The following STK31 variants were observed in gnomAD, a reference collection of about 807,000 sequenced individuals.
The protein encoded by STK31 is serine/threonine-protein kinase 31.
A neutral mutation model predicts 129.7 loss-of-function variants in STK31; 89 were observed. The ratio of observed to expected loss-of-function variants is 0.69; its 90% CI spans 0.58 to 0.82. The LOEUF (loss-of-function observed/expected upper bound fraction) is 0.82. Ranked by LOEUF, STK31 falls within the 40% of genes least tolerant of loss-of-function variation. The pLI is 0.00. For synonymous variants in STK31, 448 were observed against 395.3 expected, an observed-to-expected ratio of 1.13 and a Z score of -1.58; for missense variants, 1,187 against 1,176.4, an observed-to-expected ratio of 1.01 and a Z score of -0.13.
At chr7:23,720,177 A>G (rs1352920473) in intron 4 of STK31, among the ~76,000 whole-genome samples, 1 of 152,196 alleles carries the variant, frequency 6.6e-6, no homozygotes, top group African/African-American at 2.4e-5. Flanking sequence ...AAGAAACACG[A>G]AAAATATGGG....
intron 22 of STK31, among the ~76,000 whole-genome samples, chr7:23,793,610 A>G (rs188821382): frequency 2.0e-5 from 3 of 152,370 alleles, no homozygotes; most frequent in Admixed American, 6.5e-5. Context: ...AGGTGTCCAC[A>G]TGGCATGTAA....
chr7:23,773,730 TGTGA>T (rs1360266386), intron 15 of STK31, among the ~76,000 whole-genome samples: 1 of 95,978 alleles, frequency 1.0e-5, no homozygotes, highest in Non-Finnish European at 2.2e-5. Flanking sequence ...TGTGTGTGTG[TGTGA>T]GTGTGTGTGT....
At chr7:23,786,738 C>T (rs1336224132) in intron 19 of STK31, 100 bp from the exon 20 acceptor site, 1 of 1,541,924 alleles carries the variant, frequency 6.5e-7, no homozygotes, top group Admixed American at 2.0e-5. Context: ...AGTTCATTCC[C>T]CTTAACATAA....
chr7:23,810,718 TATATATAAAATAGATA>T (rs1293757881), intron 22 of STK31, among the ~76,000 whole-genome samples: 14 of 121,210 alleles, frequency 1.2e-4, no homozygotes, highest in African/African-American at 4.7e-4. Flanking sequence ...ATAAAATAGA[TATATATAAAATAGATA>T]TATATAAAAT....
chr7:23,729,532 A>G (rs528868554), intron 6 of STK31, among the ~76,000 whole-genome samples: 11 of 122,388 alleles, frequency 9.0e-5, no homozygotes, highest in African/African-American at 8.1e-5. Context: ...TTTTTTTGAG[A>G]CAGAGTCTGA....
intron 7 of STK31, among the ~76,000 whole-genome samples, chr7:23,736,200 A>C (rs1562559534): frequency 6.6e-6 from 1 of 152,242 alleles, no homozygotes; most frequent in Non-Finnish European, 1.5e-5. Flanking sequence ...TGAATTATTC[A>C]GGCAAAGTCA....
chr7:23,798,272 C>T (rs113156653), intron 22 of STK31, among the ~76,000 whole-genome samples: 3,752 of 152,214 alleles, frequency 0.025, 87 homozygotes, highest in African/African-American at 0.061. Flanking sequence ...CATCCTGGTA[C>T]CAAAACGTGC....
chr7:23,764,703 AATAG>A (rs2128100433), intron 11 of STK31, among the ~76,000 whole-genome samples: 1 of 152,250 alleles, frequency 6.6e-6, no homozygotes, highest in South Asian at 2.1e-4. Flanking sequence ...ATATATCTGA[AATAG>A]ATAGGTTTGT....
chr7:23,747,098 A>G (rs553183026), intron 8 of STK31, among the ~76,000 whole-genome samples: 1 of 151,994 alleles, frequency 6.6e-6, no homozygotes, highest in Admixed American at 6.6e-5. Flanking sequence ...GGGTTTTTAC[A>G]TATATGTTCG....
chr7:23,723,886 T>C (rs1013146857), intron 4 of STK31, among the ~76,000 whole-genome samples: 1 of 152,220 alleles, frequency 6.6e-6, no homozygotes, highest in African/African-American at 2.4e-5. Context: ...CGCCACACTC[T>C]GAGACGAATT....
intron 1 of STK31, 124 bp downstream of exon 1, chr7:23,710,459 A>G (rs1692960979): frequency 3.8e-6 from 6 of 1,560,538 alleles, no homozygotes; most frequent in African/African-American, 1.3e-5. Context: ...GTCACCTTCT[A>G]GCCGCCCGCC....
intron 10 of STK31, among the ~76,000 whole-genome samples, chr7:23,759,762 A>G (rs1789341645): frequency 6.6e-6 from 1 of 152,216 alleles, no homozygotes; most frequent in African/African-American, 2.4e-5. Context: ...TATGATTGTC[A>G]AACTGCATCT....
intron 4 of STK31, chr7:23,721,200 A>G (rs1562546655): frequency 1.2e-5 from 4 of 330,690 alleles, no homozygotes; most frequent in Admixed American, 9.3e-5. Context: ...TTTTTCCACT[A>G]TAATTCGCTC....
chr7:23,750,369 C>T (rs10279703), intron 8 of STK31, among the ~76,000 whole-genome samples: 15,638 of 152,038 alleles, frequency 0.1, 1,125 homozygotes, highest in African/African-American at 0.2. Flanking sequence ...TAGCAGTTTT[C>T]CCAGTGACCC....
chr7:23,748,477 A>C (rs1024641565), intron 8 of STK31, among the ~76,000 whole-genome samples: 1 of 152,194 alleles, frequency 6.6e-6, no homozygotes, highest in Non-Finnish European at 1.5e-5. Context: ...ACATGGGTCC[A>C]CTTATATGTG....
chr7:23,819,626 G>T (rs1288442633), intron 23 of STK31, among the ~76,000 whole-genome samples: 1 of 152,140 alleles, frequency 6.6e-6, no homozygotes, highest in Non-Finnish European at 1.5e-5. Context: ...TGTTGGCCAG[G>T]CTGATCTTAA....
At chr7:23,801,003 A>C (rs1792334119) in intron 22 of STK31, among the ~76,000 whole-genome samples, 2 of 152,324 alleles carry the variant, frequency 1.3e-5, no homozygotes, top group South Asian at 4.1e-4. Flanking sequence ...TTGCAGATAA[A>C]GCTACTGTGA....
At chr7:23,764,462 T>A (rs1301009563) in intron 11 of STK31, among the ~76,000 whole-genome samples, 1 of 152,198 alleles carries the variant, frequency 6.6e-6, no homozygotes, top group African/African-American at 2.4e-5. Context: ...AGAAAGATAT[T>A]TCTATAATGA....
At chr7:23,826,378 T>C in intron 23 of STK31, among the ~76,000 whole-genome samples, 1 of 152,156 alleles carries the variant, frequency 6.6e-6, no homozygotes, top group Non-Finnish European at 1.5e-5. Flanking sequence ...CTTTTGATCT[T>C]TGTTGGTTTA....
Sources: gnomAD v4.1 joint callset for allele counts (sites outside exome capture counted in the v4.1 genomes callset) on GRCh38, gnomAD v4.1.1 for gene constraint, MANE v1.5 for transcripts, NCBI Gene and HGNC (gene_info 2026-07-23, HGNC 2026-07-21) for gene names.